Variants in PALLD observed in about 807,000 individuals in gnomAD.
The protein encoded by PALLD is palladin.
PALLD carries 61 observed loss-of-function variants against 123.5 expected under a neutral mutation model. That is an observed-to-expected ratio of 0.49 (90% CI 0.40 to 0.61). The LOEUF (loss-of-function observed/expected upper bound fraction) is 0.61. Among genes scored for constraint, PALLD ranks in the 20% least tolerant of loss-of-function variants. The pLI is 0.00. For synonymous variants in PALLD, 465 were observed against 496.4 expected (o/e 0.94, Z 0.84); for missense variants, 1,273 against 1,377.0 (o/e 0.92, Z 1.20).
intron 2 of PALLD, chr4:168,648,109 T>TAGAA (rs1777662478): frequency 6.6e-6 from 1 of 152,064 alleles, no homozygotes; most frequent in Non-Finnish European, 1.5e-5. Flanking sequence ...GTCTGCTTCT[T>TAGAA]ATAAAGAGAT....
At chr4:168,779,938 C>T (rs1735665108) in intron 10 of PALLD, among the ~76,000 whole-genome samples, 1 of 150,522 alleles carries the variant, frequency 6.6e-6, no homozygotes, top group South Asian at 2.1e-4. Flanking sequence ...GAGAAGGTCT[C>T]ACTCTGTTGC....
chr4:168,842,832 G>A (rs746368504), intron 10 of PALLD, among the ~76,000 whole-genome samples: 2 of 152,124 alleles, frequency 1.3e-5, no homozygotes, highest in African/African-American at 2.4e-5. Flanking sequence ...ATGATTCCCC[G>A]GTTTTGGAGA....
intron 15 of PALLD, among the ~76,000 whole-genome samples, chr4:168,912,593 T>TATTA (rs1759213659): frequency 6.6e-6 from 1 of 152,246 alleles, no homozygotes; most frequent in Admixed American, 6.5e-5. Context: ...TTTTTGCTTT[T>TATTA]ATTATTTTTA....
intron 2 of PALLD, among the ~76,000 whole-genome samples, chr4:168,566,695 G>T (rs1018382452): frequency 2.0e-5 from 3 of 152,128 alleles, no homozygotes; most frequent in African/African-American, 7.2e-5. Flanking sequence ...ACATATTGTT[G>T]TTAGCATGCT....
chr4:168,611,059 G>A (rs1773679431), intron 2 of PALLD, among the ~76,000 whole-genome samples: 1 of 152,174 alleles, frequency 6.6e-6, no homozygotes, highest in South Asian at 2.1e-4. Context: ...AGCAGATCCT[G>A]GAAGCTGTCC....
chr4:168,925,898 A>AG (rs1388233956), intron 21 of PALLD, among the ~76,000 whole-genome samples: 1 of 151,862 alleles, frequency 6.6e-6, no homozygotes, highest in Admixed American at 6.6e-5. Context: ...TTAAAAGGAG[A>AG]GGGGGGATGA....
intron 2 of PALLD, among the ~76,000 whole-genome samples, chr4:168,594,032 C>T (rs1184120377): frequency 6.6e-6 from 1 of 151,902 alleles, no homozygotes; most frequent in Non-Finnish European, 1.5e-5. Context: ...TCTTGGTTTT[C>T]GGTGTAGCAT....
chr4:168,563,262 C>G lies in PALLD; in HGVS notation c.908+50850C>G, dbSNP rs75946010. Among the ~76,000 whole-genome samples, 47 of 152,122 alleles carry G rather than the reference C, an allele frequency of 3.1e-4. 2 individuals are homozygous for G. In the South Asian group the frequency reaches 6.9e-3, roughly 22 times the overall value. Reference sequence around the variant, plus strand: ...GACTAGTGATCTCAGAGCAGTTGTACGTAAGAATCTGGAGCTCGGGGGAAA... The same window carrying G: ...GACTAGTGATCTCAGAGCAGTTGTAGGTAAGAATCTGGAGCTCGGGGGAAA... On this transcript the variant is annotated intron_variant, in intron 2 of 21. Transcript: ENST00000505667.
intron 8 of PALLD, among the ~76,000 whole-genome samples, chr4:168,699,293 G>A (rs1240566079): frequency 6.6e-6 from 1 of 152,106 alleles, no homozygotes. Context: ...TGGCCAGGCT[G>A]GTCTCGAGCT....
chr4:168,704,022 T>C (rs1292627915), intron 8 of PALLD, among the ~76,000 whole-genome samples: 1 of 152,100 alleles, frequency 6.6e-6, no homozygotes, highest in East Asian at 1.9e-4. Flanking sequence ...ATGGTATTGG[T>C]ACCAAAACAG....
At chr4:168,833,415 G>T (rs1428971580) in intron 10 of PALLD, among the ~76,000 whole-genome samples, 2 of 152,172 alleles carry the variant, frequency 1.3e-5, no homozygotes, top group African/African-American at 4.8e-5. Context: ...GGAGTCTCTA[G>T]GAGCCAGAGA....
At chr4:168,737,803 C>T (rs1399305065) in intron 10 of PALLD, among the ~76,000 whole-genome samples, 1 of 152,196 alleles carries the variant, frequency 6.6e-6, no homozygotes, top group African/African-American at 2.4e-5. Context: ...ACCTCTAACC[C>T]TTCCAAAGGG....
chr4:168,839,579 G>A (rs1023513214), intron 10 of PALLD, among the ~76,000 whole-genome samples: 2 of 151,410 alleles, frequency 1.3e-5, no homozygotes, highest in African/African-American at 4.9e-5. Context: ...GGATGGGAGG[G>A]GTGAGGGAGG....
intron 10 of PALLD, among the ~76,000 whole-genome samples, chr4:168,742,026 C>A (rs1350715310): frequency 6.6e-6 from 1 of 152,222 alleles, no homozygotes; most frequent in Non-Finnish European, 1.5e-5. Context: ...TTCTGACTTT[C>A]CAGTGCGGGC....
intron 10 of PALLD, among the ~76,000 whole-genome samples, chr4:168,810,884 G>A (rs541697579): frequency 6.6e-6 from 1 of 152,218 alleles, no homozygotes; most frequent in East Asian, 1.9e-4. Context: ...ATAGTTAGAT[G>A]TGGACCCTGG....
rs149474928 is a variant in PALLD at position 168,609,776 on chromosome 4, G to A, written c.909-58414G>A. ...AACCTTCTGAATCTGAGGTTTCTAT[G>A]TGCTTCCTTAATTCTGGGAAGTTCT... On this transcript the variant is annotated intron_variant, in intron 2 of 21. Coordinates refer to ENST00000505667, the MANE Select transcript of PALLD (RefSeq NM_001166108.2). Among the ~76,000 whole-genome samples the A allele has an allele frequency of 2.7e-3, 404 of 152,308 alleles. 4 individuals carry two copies. The highest frequency in any genetic ancestry group is 6.0e-3 in the African/African-American group (248 of 41,576).
intron 10 of PALLD, among the ~76,000 whole-genome samples, chr4:168,764,896 T>G (rs1215709037): frequency 6.6e-6 from 1 of 152,224 alleles, no homozygotes; most frequent in Non-Finnish European, 1.5e-5. Flanking sequence ...GGTCAGAGCA[T>G]GCTGAGTGAG....
At chr4:168,735,114 T>C (rs1274136886) in intron 10 of PALLD, among the ~76,000 whole-genome samples, 1 of 152,178 alleles carries the variant, frequency 6.6e-6, no homozygotes, top group Non-Finnish European at 1.5e-5. Context: ...TCTTGCAATA[T>C]AATATTTGAT....
chr4:168,734,126 C>T (rs1787489215), intron 10 of PALLD, among the ~76,000 whole-genome samples: 1 of 152,128 alleles, frequency 6.6e-6, no homozygotes, highest in South Asian at 2.1e-4. Flanking sequence ...ATCATGAGCT[C>T]TGGAATCATT....
Sources: gnomAD v4.1 joint callset for allele counts (sites outside exome capture counted in the v4.1 genomes callset) on GRCh38, gnomAD v4.1.1 for gene constraint, MANE v1.5 for transcripts, NCBI Gene and HGNC (gene_info 2026-07-23, HGNC 2026-07-21) for gene names.